B3GALT1: variants seen among roughly 807,000 people sequenced by gnomAD.
B3GALT1 encodes beta-1,3-galactosyltransferase 1, also known as UDP-Gal:betaGlcNAc beta 1,3-galactosyltransferase, polypeptide 1.
In B3GALT1, 10 loss-of-function variants were observed where a neutral mutation model predicts 23.2. The ratio of observed to expected loss-of-function variants is 0.43; its 90% CI spans 0.27 to 0.73. The LOEUF (loss-of-function observed/expected upper bound fraction) is 0.73. Among genes scored for constraint, B3GALT1 ranks in the 30% least tolerant of loss-of-function variants. The pLI is 0.21. For missense variants in B3GALT1, 299 were observed against 405.4 expected, an observed-to-expected ratio of 0.74 and a Z score of 2.25; for synonymous variants, 156 against 141.5, an observed-to-expected ratio of 1.10 and a Z score of -0.73.
chr2:167,450,155 A>G (rs1172931092), intron 1 of B3GALT1, among the ~76,000 whole-genome samples: 2 of 152,120 alleles, frequency 1.3e-5, no homozygotes, highest in African/African-American at 4.8e-5. Context: ...GAATAGTGTC[A>G]ATAGGATTGG....
intron 3 of B3GALT1, among the ~76,000 whole-genome samples, chr2:167,657,154 C>T (rs555181649): frequency 3.3e-5 from 5 of 152,172 alleles, no homozygotes; most frequent in South Asian, 2.1e-4. Context: ...AGTTTGAGAG[C>T]GGTTCCTTCA....
chr2:167,297,262 T>C (rs1011681259), intron 1 of B3GALT1, among the ~76,000 whole-genome samples: 1 of 152,084 alleles, frequency 6.6e-6, no homozygotes, highest in African/African-American at 2.4e-5. Context: ...AAGTCAAATC[T>C]ACAGAACTTC....
At chr2:167,740,925 C>T (rs565696289) in intron 3 of B3GALT1, among the ~76,000 whole-genome samples, 1 of 152,276 alleles carries the variant, frequency 6.6e-6, no homozygotes, top group Admixed American at 6.5e-5. Flanking sequence ...TAAGCCAGTT[C>T]CTTTCCATCT....
At chr2:167,494,798 A>G (rs913111356) in intron 2 of B3GALT1, among the ~76,000 whole-genome samples, 10 of 152,212 alleles carry the variant, frequency 6.6e-5, no homozygotes, top group African/African-American at 2.2e-4. Flanking sequence ...AGTGATACCC[A>G]TATCTGGCAA....
intron 1 of B3GALT1, among the ~76,000 whole-genome samples, chr2:167,341,835 C>G (rs1043060006): frequency 6.6e-6 from 1 of 152,142 alleles, no homozygotes; most frequent in African/African-American, 2.4e-5. Flanking sequence ...TCTTATTTAT[C>G]CAATGAGCTT....
At chr2:167,661,940 C>T (rs953016876) in intron 3 of B3GALT1, among the ~76,000 whole-genome samples, 2 of 151,854 alleles carry the variant, frequency 1.3e-5, no homozygotes, top group African/African-American at 4.8e-5. Flanking sequence ...TAGCATATAC[C>T]TATCTCACTC....
chr2:167,798,342 A>T (rs548416392), intron 3 of B3GALT1, among the ~76,000 whole-genome samples: 1 of 152,066 alleles, frequency 6.6e-6, no homozygotes, highest in African/African-American at 2.4e-5. Flanking sequence ...TGGTGTTTTC[A>T]TCATGAAATC....
At chr2:167,590,493 TTAAAA>T (rs1684661121) in intron 2 of B3GALT1, among the ~76,000 whole-genome samples, 1 of 151,580 alleles carries the variant, frequency 6.6e-6, no homozygotes, top group Admixed American at 6.6e-5. Flanking sequence ...CCTCCAGAAT[TTAAAA>T]TAAAAGACGA....
intron 1 of B3GALT1, among the ~76,000 whole-genome samples, chr2:167,383,769 A>G (rs1697879855): frequency 2.0e-5 from 3 of 152,222 alleles, no homozygotes; most frequent in African/African-American, 7.2e-5. Flanking sequence ...CTGCTTCAGT[A>G]CTGATGAACC....
At position 167,564,887 on chromosome 2, in the gene B3GALT1, C is replaced by G. The variant is rs1432786574; in HGVS notation, c.-410+74610C>G. Among the ~76,000 whole-genome samples the G allele has an allele frequency of 1.3e-5, 2 of 152,194 alleles. 1 individual carries two copies. Among genetic ancestry groups the G allele is most frequent in the Admixed American group, 1.3e-4 (2 of 15,272 alleles). ...CAAACAAATGGAAGAACATTCCATG[C>G]TCATGGGTAGGAAGAATCAATATCA... On this transcript the variant is annotated intron_variant, in intron 2 of 4. Coordinates refer to ENST00000392690, the MANE Select transcript of B3GALT1 (RefSeq NM_020981.4).
chr2:167,457,645 A>G (rs527908566), intron 1 of B3GALT1, among the ~76,000 whole-genome samples: 146 of 152,084 alleles, frequency 9.6e-4, no homozygotes, highest in Admixed American at 2.0e-3. Context: ...ATCATCATAT[A>G]CTAATTTCTC....
At chr2:167,775,813 A>G (rs1282336474) in intron 3 of B3GALT1, among the ~76,000 whole-genome samples, 2 of 152,038 alleles carry the variant, frequency 1.3e-5, no homozygotes, top group Non-Finnish European at 2.9e-5. Context: ...AAATCAGACA[A>G]TAATAGGAAA....
chr2:167,507,014 T>C lies in B3GALT1; in HGVS notation c.-410+16737T>C, dbSNP rs147001860. Among the ~76,000 whole-genome samples the C allele has an allele frequency of 2.9e-3, 447 of 152,256 alleles. 2 individuals carry two copies. Among genetic ancestry groups the C allele is most frequent in the African/African-American group, 0.01 (422 of 41,558 alleles). On this transcript the variant is annotated intron_variant, in intron 2 of 4. Transcript: ENST00000392690. ...CTATTCAATAGAAAATGGAGAATCA[T>C]TAAAAGTTGAAGGGCATGATTATAG... is the stretch of plus-strand genomic sequence containing the variant.
At chr2:167,552,257 G>A (rs1683762296) in intron 2 of B3GALT1, among the ~76,000 whole-genome samples, 1 of 152,118 alleles carries the variant, frequency 6.6e-6, no homozygotes, top group African/African-American at 2.4e-5. Flanking sequence ...TTGACTATAT[G>A]ATTACCAACC....
chr2:167,802,441 T>A (rs1048834864), intron 3 of B3GALT1, among the ~76,000 whole-genome samples: 4 of 152,218 alleles, frequency 2.6e-5, no homozygotes, highest in African/African-American at 9.7e-5. Context: ...AATATTTGAA[T>A]GCATGATTGT....
In B3GALT1 at chr2:167,719,378, T is replaced by C. The variant is rs183470860; in HGVS notation, c.-352+72412T>C. ...AGATTCCGCGAATGTGTGCTTGATATGCTACAAGAGTAATAATAAATACTA... is the reference window on the plus strand; with the variant it reads ...AGATTCCGCGAATGTGTGCTTGATACGCTACAAGAGTAATAATAAATACTA... On this transcript the variant is annotated intron_variant, in intron 3 of 4. Transcript: ENST00000392690. Among the ~76,000 whole-genome samples, 491 of 152,356 alleles carry C rather than the reference T, an allele frequency of 3.2e-3. 2 individuals carry two copies. Among genetic ancestry groups the C allele is most frequent in the Non-Finnish European group, 4.8e-3 (325 of 68,030 alleles).
chr2:167,544,288 A>AT (rs887907830), intron 2 of B3GALT1, among the ~76,000 whole-genome samples: 8 of 151,946 alleles, frequency 5.3e-5, no homozygotes. Context: ...AGGACAATGG[A>AT]TTTTTTGTTT....
At chr2:167,561,246 T>A (rs537864357) in intron 2 of B3GALT1, among the ~76,000 whole-genome samples, 3 of 152,192 alleles carry the variant, frequency 2.0e-5, no homozygotes, top group Non-Finnish European at 2.9e-5. Flanking sequence ...AAGATGTTCT[T>A]TATGTACCAA....
chr2:167,647,413 C>A (rs1251326304), intron 3 of B3GALT1, among the ~76,000 whole-genome samples: 2 of 152,180 alleles, frequency 1.3e-5, no homozygotes, highest in Non-Finnish European at 2.9e-5. Flanking sequence ...TCTCTCATCC[C>A]ATAAGTCTTT....
Sources: gnomAD v4.1 joint callset for allele counts (sites outside exome capture counted in the v4.1 genomes callset) on GRCh38, gnomAD v4.1.1 for gene constraint, MANE v1.5 for transcripts, NCBI Gene and HGNC (gene_info 2026-07-23, HGNC 2026-07-21) for gene names.